The following CACNG3 variants were observed in gnomAD, a reference collection of about 807,000 sequenced individuals.
CACNG3 encodes the protein voltage-dependent calcium channel gamma-3 subunit.
A neutral mutation model predicts 28.5 loss-of-function variants in CACNG3; 3 were observed. That is an observed-to-expected ratio of 0.11 (90% CI 0.05 to 0.27). CACNG3 has a LOEUF of 0.27. CACNG3 is among the 10% of genes least tolerant of loss of function. CACNG3 has a pLI of 1.00. For synonymous variants in CACNG3, 174 were observed against 162.2 expected (o/e 1.07, Z -0.55); for missense variants, 236 against 414.4 (o/e 0.57, Z 3.74).
intron 1 of CACNG3, among the ~76,000 whole-genome samples, chr16:24,308,839 CAAAAAAAAAAA>C (rs71154298): frequency 2.6e-4 from 7 of 27,272 alleles, no homozygotes; most frequent in East Asian, 2.7e-3. Flanking sequence ...GAACCTACCT[CAAAAAAAAAAA>C]AAAAAAAAAA....
intron 1 of CACNG3, among the ~76,000 whole-genome samples, chr16:24,272,194 G>C (rs1024584981): frequency 1.3e-5 from 2 of 148,284 alleles, no homozygotes; most frequent in Admixed American, 1.4e-4. Flanking sequence ...TTTTCCTATT[G>C]TATTTTGTTA....
chr16:24,281,242 C>T (rs1898823102), intron 1 of CACNG3, among the ~76,000 whole-genome samples: 1 of 152,164 alleles, frequency 6.6e-6, no homozygotes, highest in East Asian at 1.9e-4. Context: ...GTCACCCAGG[C>T]TGGAGTGCCG....
intron 1 of CACNG3, among the ~76,000 whole-genome samples, chr16:24,317,360 G>A (rs1899366005): frequency 6.6e-6 from 1 of 151,790 alleles, no homozygotes; most frequent in South Asian, 2.1e-4. Context: ...TGGCCAACAT[G>A]GTGAAACCCC....
At chr16:24,311,445 G>A (rs980003935) in intron 1 of CACNG3, among the ~76,000 whole-genome samples, 1 of 151,694 alleles carries the variant, frequency 6.6e-6, no homozygotes, top group Non-Finnish European at 1.5e-5. Context: ...GGAGGCAGAA[G>A]TTGTAGTGAG....
chr16:24,347,922 C>T lies in CACNG3; in HGVS notation c.295+1105C>T, dbSNP rs79705949. On this transcript the variant is annotated intron_variant, in intron 2 of 3. Transcript: ENST00000005284. ...TAATGTCATCCATCTGACAGGGTCA[C>T]AAAAATTAGCCGGGGCCCAACACAT... 2.6e-5 allele frequency among the ~76,000 whole-genome samples: 4 copies of T among 152,288 alleles called. No homozygotes were observed. The East Asian group carries it at 7.7e-4, about 29-fold the overall frequency.
chr16:24,354,127 G>A (rs1221276202), intron 2 of CACNG3, among the ~76,000 whole-genome samples: 2 of 152,120 alleles, frequency 1.3e-5, no homozygotes, highest in African/African-American at 2.4e-5. Context: ...TGGAAGGTGA[G>A]GCTACAGTGA....
At chr16:24,290,425 T>G (rs371803825) in intron 1 of CACNG3, among the ~76,000 whole-genome samples, 1 of 152,192 alleles carries the variant, frequency 6.6e-6, no homozygotes, top group Admixed American at 6.5e-5. Flanking sequence ...AGAAGCCTGT[T>G]CAATTCCATA....
intron 3 of CACNG3, among the ~76,000 whole-genome samples, chr16:24,357,397 G>C (rs1250868688): frequency 2.6e-5 from 4 of 152,122 alleles, no homozygotes; most frequent in African/African-American, 9.7e-5. Context: ...TGGGGACAGA[G>C]AGCCAAACCA....
intron 1 of CACNG3, among the ~76,000 whole-genome samples, chr16:24,293,644 A>G (rs960460294): frequency 6.6e-6 from 1 of 152,158 alleles, no homozygotes; most frequent in South Asian, 2.1e-4. Context: ...TGCACACTTC[A>G]AAACCTACAC....
chr16:24,305,320 A>G lies in CACNG3; in HGVS notation c.212-41414A>G, dbSNP rs987856081. Among the ~76,000 whole-genome samples the G allele has an allele frequency of 3.2e-4, 44 of 136,216 alleles. 1 individual carries two copies. The highest frequency in any genetic ancestry group is 1.6e-3 in the South Asian group (6 of 3,704). The allele number at this position is 136,216 out of a possible 152,430, so 89.4% of individuals were successfully genotyped here. ...TATATACAAACTTATATACATAAAT[A>G]TGTGTGTGTGTGTGTGTGTGTGTGT... On this transcript the variant is annotated intron_variant, in intron 1 of 3. Transcript: ENST00000005284.
chr16:24,333,262 T>A (rs1461304653), intron 1 of CACNG3, among the ~76,000 whole-genome samples: 5 of 152,138 alleles, frequency 3.3e-5, no homozygotes, highest in African/African-American at 1.2e-4. Flanking sequence ...AGTACATAGT[T>A]AAAGAAGATC....
chr16:24,262,388 G>C (rs1003198691), intron 1 of CACNG3, among the ~76,000 whole-genome samples: 2 of 152,212 alleles, frequency 1.3e-5, no homozygotes, highest in African/African-American at 4.8e-5. Context: ...GCAGGTGGTA[G>C]AGGTCAGAGT....
At chr16:24,258,846 C>T (rs771485699) in intron 1 of CACNG3, among the ~76,000 whole-genome samples, 1 of 152,080 alleles carries the variant, frequency 6.6e-6, no homozygotes, top group Non-Finnish European at 1.5e-5. Context: ...CCTGAGAATG[C>T]ACAATTAAAA....
intron 1 of CACNG3, among the ~76,000 whole-genome samples, chr16:24,322,650 A>G (rs2141370476): frequency 6.6e-6 from 1 of 152,280 alleles, no homozygotes; most frequent in South Asian, 2.1e-4. Flanking sequence ...GTAAGAAGCA[A>G]AAGTTTTTCC....
At chr16:24,308,236 T>C (rs75666992) in intron 1 of CACNG3, among the ~76,000 whole-genome samples, 1,558 of 152,270 alleles carry the variant, frequency 0.01, 31 homozygotes, top group African/African-American at 0.034. Context: ...TGGTGGGTCA[T>C]TCCTAGGTCA....
At chr16:24,346,289 T>G (rs1258370261) in intron 1 of CACNG3, among the ~76,000 whole-genome samples, 4 of 152,152 alleles carry the variant, frequency 2.6e-5, no homozygotes, top group African/African-American at 4.8e-5. Context: ...ATGCTGTTGA[T>G]GACTGATCCC....
At chr16:24,288,634 T>C (rs1898925819) in intron 1 of CACNG3, among the ~76,000 whole-genome samples, 1 of 152,202 alleles carries the variant, frequency 6.6e-6, no homozygotes, top group South Asian at 2.1e-4. Flanking sequence ...AATAGTTTCA[T>C]GGCAAGATTC....
intron 1 of CACNG3, among the ~76,000 whole-genome samples, chr16:24,281,851 A>G (rs1446962841): frequency 2.0e-5 from 3 of 152,256 alleles, no homozygotes. Context: ...GTTGAGGAAA[A>G]CAAAACTATA....
At chr16:24,303,617 T>C (rs1899143157) in intron 1 of CACNG3, among the ~76,000 whole-genome samples, 1 of 152,110 alleles carries the variant, frequency 6.6e-6, no homozygotes, top group Admixed American at 6.6e-5. Context: ...GTTACCTTGT[T>C]TCTGTATTTG....
Sources: allele counts gnomAD v4.1 joint callset (sites outside exome capture counted in the v4.1 genomes callset), GRCh38; gene constraint gnomAD v4.1.1; transcripts MANE v1.5; gene names NCBI Gene and HGNC (gene_info 2026-07-23, HGNC 2026-07-21).